INSYN2A: variants seen among roughly 807,000 people sequenced by gnomAD.
INSYN2A encodes the protein inhibitory synaptic factor 2A, also known as family with sequence similarity 196 member A.
In INSYN2A, 17 loss-of-function variants were observed where a neutral mutation model predicts 39.4. The observed-to-expected ratio is 0.43, with a 90% CI of 0.30 to 0.65. The LOEUF is 0.65. Among genes scored for constraint, INSYN2A ranks in the 30% least tolerant of loss-of-function variants. The probability of loss-of-function intolerance (pLI) is 0.14; values close to 1 mark genes in which losing one functional copy is unlikely to be tolerated. For missense variants in INSYN2A, 595 were observed against 631.2 expected (o/e 0.94, Z 0.61); for synonymous variants, 255 against 265.7 (o/e 0.96, Z 0.39).
Position 127,136,823 on chromosome 10 carries a change from G to T in INSYN2A, c.*1014C>A, listed in dbSNP as rs1395696536. 2.6e-5 allele frequency: 4 copies of T among 152,564 alleles called. No homozygotes were observed. The highest frequency in any genetic ancestry group is 4.4e-5 in the Non-Finnish European group (3 of 68,036). The allele number at this position is 152,564 out of a possible 1,614,324, so 9.5% of individuals were successfully genotyped here. A position where few individuals can be genotyped will look rare whatever the true frequency, so the allele number is the denominator to read the frequency against. On this transcript the variant is annotated 3_prime_UTR_variant, in exon 6 of 6. Transcript: ENST00000522781. ...AAACGCACTGTTTCTCTTTGAGATG[G>T]TCAGGGCTTCCACCATTAATACAAA...
At chr10:127,153,548 C>G (rs1268357764) in intron 5 of INSYN2A, among the ~76,000 whole-genome samples, 4 of 152,294 alleles carry the variant, frequency 2.6e-5, no homozygotes, top group Middle Eastern at 3.4e-3. Flanking sequence ...ACAGCCTTTC[C>G]AGAACACAGA....
intron 5 of INSYN2A, among the ~76,000 whole-genome samples, chr10:127,147,276 C>T (rs546488913): frequency 6.6e-6 from 1 of 152,256 alleles, no homozygotes; most frequent in South Asian, 2.1e-4. Context: ...GGTTTCCCAT[C>T]CATCCTTGGG....
At chr10:127,141,229 T>G (rs2051209956) in intron 5 of INSYN2A, among the ~76,000 whole-genome samples, 2 of 152,208 alleles carry the variant, frequency 1.3e-5, no homozygotes, top group Admixed American at 1.3e-4. Flanking sequence ...CACAGATAAT[T>G]ATTCGTTCCC....
At chr10:127,195,563 G>T (rs1476813211) in intron 1 of INSYN2A, among the ~76,000 whole-genome samples, 2 of 150,884 alleles carry the variant, frequency 1.3e-5, no homozygotes, top group Non-Finnish European at 2.9e-5. Flanking sequence ...GTACTTTCCA[G>T]GGCGCTTTAG....
chr10:127,137,962 G>A lies in INSYN2A; in HGVS notation c.1315C>T (p.His439Tyr). 2 of 1,614,012 alleles carry A rather than the reference G, an allele frequency of 1.2e-6. No individual in the cohort carries two copies. Among genetic ancestry groups the A allele is most frequent in the Non-Finnish European group, 1.7e-6 (2 of 1,179,978 alleles). ...DKLQPVLRKL[H>Y]PIEETQVIPS... ...ATGACCTGAGTTTCCTCAATAGGGT[G>A]GAGTTTTCTTAGAACCGGCTGGAGT... is the stretch of plus-strand genomic sequence containing the variant. The change falls in exon 6 of 6, where the codon CAC (histidine) becomes TAC (tyrosine). Residue 439 changes from histidine (H) to tyrosine (Y), a missense_variant. This residue lies in a region of INSYN2A where 117 missense variants were observed against 163.8 expected (regional missense o/e 0.71). Transcript: ENST00000522781.
chr10:127,141,521 G>A (rs2051242061), intron 5 of INSYN2A, among the ~76,000 whole-genome samples: 1 of 152,132 alleles, frequency 6.6e-6, no homozygotes, highest in Admixed American at 6.5e-5. Context: ...TGGCCAACAT[G>A]GTGAAACCCC....
At position 127,175,474 on chromosome 10, in the gene INSYN2A, A is replaced by G. The variant is rs2055007165; in HGVS notation, c.922T>C (p.Ser308Pro). The change falls in exon 4 of 6, where the codon TCA (serine) becomes CCA (proline). Residue 308 changes from serine (S) to proline (P), a missense_variant. Physicochemically the swap from Ser to Pro is moderately conservative, Grantham distance 74. Coordinates refer to ENST00000522781, the MANE Select transcript of INSYN2A (RefSeq NM_001039762.3). This position sits in a 1 kb window ranked among gnomAD's most constrained non-coding sequence, Gnocchi z 6.3. The part of the protein sequence containing the change: ...QAPSETALAC[S>P]PPMQCLSPEC... The stretch of plus-strand genomic sequence containing the variant: ...GGGGACAGGCACTGCATCGGGGGTG[A>G]GCAGGCCAGGGCAGTTTCCGAGGGC... 1 of 1,609,578 alleles carries G rather than the reference A, an allele frequency of 6.2e-7. No homozygotes were observed.
At chr10:127,149,762 T>G (rs1301741180) in intron 5 of INSYN2A, among the ~76,000 whole-genome samples, 3 of 152,210 alleles carry the variant, frequency 2.0e-5, no homozygotes, top group Admixed American at 2.0e-4. Context: ...TTCTCAAGCC[T>G]CTGGGACAAC....
rs1360714522 is a variant in INSYN2A, at chr10:127,190,664, TTCCCCCC to T, written c.-269+1934_-269+1940del. On this transcript the variant is annotated intron_variant, in intron 2 of 5. Transcript: ENST00000522781. ...TCAAATATTTAATAGAAATCCTATC[TTCCCCCC>T]CCCCCCCCCCCCGTTCCTGCTGGCT... Among the ~76,000 whole-genome samples the T allele has an allele frequency of 7.1e-3, 109 of 15,266 alleles. 27 individuals are homozygous for T. The highest frequency in any genetic ancestry group is 0.062 in the Middle Eastern group (1 of 16). The allele number at this position is 15,266 out of a possible 152,430, so 10.0% of individuals were successfully genotyped here.
At chr10:127,186,488 T>C (rs1012428334) in intron 2 of INSYN2A, among the ~76,000 whole-genome samples, 2 of 112,204 alleles carry the variant, frequency 1.8e-5, no homozygotes, top group Non-Finnish European at 3.3e-5. Flanking sequence ...ACAATCATGA[T>C]AACAGCATGG....
At chr10:127,169,487 A>G (rs2054368418) in intron 4 of INSYN2A, among the ~76,000 whole-genome samples, 1 of 152,184 alleles carries the variant, frequency 6.6e-6, no homozygotes, top group Non-Finnish European at 1.5e-5. Flanking sequence ...CTGTATGAAT[A>G]TGGTCACTGT....
chr10:127,161,315 A>C (rs945824575), intron 4 of INSYN2A, among the ~76,000 whole-genome samples: 1 of 151,972 alleles, frequency 6.6e-6, no homozygotes, highest in Non-Finnish European at 1.5e-5. Context: ...TTCATAACCA[A>C]CTCCCAGGAT....
chr10:127,149,028 G>T (rs1197495661), intron 5 of INSYN2A, among the ~76,000 whole-genome samples: 1 of 152,194 alleles, frequency 6.6e-6, no homozygotes, highest in African/African-American at 2.4e-5. Flanking sequence ...CCGAAGAAGT[G>T]TTACTCAGCT....
chr10:127,182,720 A>G (rs186806054), intron 2 of INSYN2A, among the ~76,000 whole-genome samples: 1 of 152,318 alleles, frequency 6.6e-6, no homozygotes, highest in East Asian at 1.9e-4. Flanking sequence ...GTTGGTTCCA[A>G]CAACTCACCA....
intron 5 of INSYN2A, among the ~76,000 whole-genome samples, chr10:127,146,683 C>T (rs2051889498): frequency 6.6e-6 from 1 of 152,294 alleles, no homozygotes; most frequent in Non-Finnish European, 1.5e-5. Context: ...ATTTCCCCCA[C>T]CTCAGTTCAT....
chr10:127,184,494 C>A (rs1474781761), intron 2 of INSYN2A, among the ~76,000 whole-genome samples: 1 of 150,632 alleles, frequency 6.6e-6, no homozygotes, highest in Non-Finnish European at 1.5e-5. Context: ...ACCCCCGTCC[C>A]CCATCCTGCA....
rs370769092 is a variant in INSYN2A at position 127,176,031 on chromosome 10, C to T, written c.365G>A (p.Arg122His). 64 of 1,614,072 alleles carry T rather than the reference C, an allele frequency of 4.0e-5. No homozygotes were observed. Among genetic ancestry groups the T allele is most frequent in the African/African-American group, 2.3e-4 (17 of 75,030 alleles). ...KKCYQTFPLDRKKGNLKSLPA... is the reference protein window; with the variant it reads ...KKCYQTFPLDHKKGNLKSLPA... ...GAGGCTTTTGAGGTTCCCCTTTTTG[C>T]GGTCCAGAGGGAACGTCTGGTAACA... The change falls in exon 4 of 6, where the codon CGC becomes CAC. Residue 122 changes from arginine (R) to histidine (H), a missense_variant. By Grantham distance (29) the Arg-to-His change is conservative. This residue lies in a region of INSYN2A where 478 missense variants were observed against 467.4 expected (regional missense o/e 1.02). Transcript: ENST00000522781. The surrounding 1 kb of genome is among the most constrained non-coding windows in gnomAD (Gnocchi z 4.4).
chr10:127,164,201 T>G (rs1321831660), intron 4 of INSYN2A, among the ~76,000 whole-genome samples: 2 of 80,886 alleles, frequency 2.5e-5, no homozygotes, highest in Non-Finnish European at 4.4e-5. Flanking sequence ...TTTTTTTTTT[T>G]GAGACAGAGT....
At chr10:127,178,939 T>A (rs2055450074) in intron 2 of INSYN2A, among the ~76,000 whole-genome samples, 1 of 152,160 alleles carries the variant, frequency 6.6e-6, no homozygotes, top group African/African-American at 2.4e-5. Context: ...GAAAATTAAA[T>A]CTTAACCTTC....
Sources: allele counts gnomAD v4.1 joint callset (sites outside exome capture counted in the v4.1 genomes callset), GRCh38; gene constraint gnomAD v4.1.1; regional missense constraint gnomAD v4.1.1; non-coding constraint Gnocchi (gnomAD v3.1); transcripts MANE v1.5; gene names NCBI Gene and HGNC (gene_info 2026-07-23, HGNC 2026-07-21).